Variants in PLEKHG7 observed in about 807,000 individuals in gnomAD.
PLEKHG7 encodes the protein pleckstrin homology domain-containing family G member 7.
Under a neutral mutation model 85.2 loss-of-function variants are expected in PLEKHG7, and 77 were observed. The observed-to-expected ratio is 0.90, with a 90% CI of 0.75 to 1.09. The LOEUF (loss-of-function observed/expected upper bound fraction) is 1.09. PLEKHG7 is among the 50% of genes least tolerant of loss of function. The probability of loss-of-function intolerance (pLI) is 0.00; values close to 1 mark genes in which losing one functional copy is unlikely to be tolerated. For synonymous variants in PLEKHG7, 301 were observed against 302.4 expected, an observed-to-expected ratio of 1.00 and a Z score of 0.05; for missense variants, 777 against 804.3, an observed-to-expected ratio of 0.97 and a Z score of 0.41.
intron 15 of PLEKHG7, among the ~76,000 whole-genome samples, chr12:92,764,716 A>G (rs1377862857): frequency 2.0e-5 from 3 of 152,170 alleles, no homozygotes; most frequent in Non-Finnish European, 4.4e-5. Context: ...AGAAATATAT[A>G]TCATTTTTAA....
chr12:92,729,259 C>A (rs755451555), intron 4 of PLEKHG7, 139 bp downstream of exon 4: 3 of 1,067,638 alleles, frequency 2.8e-6, no homozygotes, highest in Non-Finnish European at 3.6e-6. Context: ...CCAATTACAA[C>A]GGGCACCAGC....
In PLEKHG7 at chr12:92,725,469, C is replaced by T. The variant is rs1009669936; in HGVS notation, c.531-3524C>T. On this transcript the variant is annotated intron_variant, in intron 3 of 16. Coordinates refer to ENST00000344636, the MANE Select transcript of PLEKHG7 (RefSeq NM_001377329.1). ...GGAATCAAGGAGATAAAAAGGAGGG[C>T]GGAGAAACAAGGTAAGAGGCGACCA... is the stretch of plus-strand genomic sequence containing the variant. 5.3e-5 allele frequency among the ~76,000 whole-genome samples: 8 copies of T among 151,960 alleles called. No homozygotes were observed. In the South Asian group the frequency reaches 6.2e-4, roughly 12 times the overall value.
rs538378556 is a variant in PLEKHG7 at position 92,713,548 on chromosome 12, A to G, written c.530+5876A>G. Among the ~76,000 whole-genome samples, 5 of 152,276 alleles carry G rather than the reference A, an allele frequency of 3.3e-5. No individual in the cohort carries two copies. The East Asian group carries it at 9.7e-4, about 29-fold the overall frequency. ...TATTCCCATTGTATTTAAATTTTGT[A>G]GTTGAGTGACTGCAGTTCCCACTGT... On this transcript the variant is annotated intron_variant, in intron 3 of 16. Transcript: ENST00000344636.
At position 92,721,403 on chromosome 12, in the gene PLEKHG7, A is replaced by C. The variant is rs1408987115; in HGVS notation, c.531-7590A>C. On this transcript the variant is annotated intron_variant, in intron 3 of 16. Coordinates refer to ENST00000344636, the MANE Select transcript of PLEKHG7 (RefSeq NM_001377329.1). Reference sequence around the variant, plus strand: ...TTCTCAGCCCACACCATGGACCTTCAGATCTTCAGCAGAGCATAGAATAAG... The same window carrying C: ...TTCTCAGCCCACACCATGGACCTTCCGATCTTCAGCAGAGCATAGAATAAG... 4 of 1,187,182 alleles carry C rather than the reference A, an allele frequency of 3.4e-6. No individual in the cohort carries two copies. The African/African-American group carries it at 4.7e-5, about 14-fold the overall frequency. The allele number at this position is 1,187,182 out of a possible 1,614,324, so 73.5% of individuals were successfully genotyped here.
chr12:92,764,313 C>T, intron 15 of PLEKHG7, 119 bp downstream of exon 15: 1 of 1,037,024 alleles, frequency 9.6e-7, no homozygotes, highest in Non-Finnish European at 1.4e-6. Context: ...AGACTGTGTT[C>T]CTATGTGTCT....
At chr12:92,769,861 A>G (rs189598498) in intron 16 of PLEKHG7, among the ~76,000 whole-genome samples, 8 of 152,320 alleles carry the variant, frequency 5.3e-5, no homozygotes, top group Admixed American at 4.6e-4. Context: ...CTGTTATCCA[A>G]CATGCATACC....
Position 92,770,122 on chromosome 12 carries a change from C to A in PLEKHG7, c.2003C>A (p.Ser668Tyr). The change falls in exon 17 of 17, where the codon TCT becomes TAT. Residue 668 changes from serine (S) to tyrosine (Y), a missense_variant. Physicochemically the swap from Ser to Tyr is moderately radical, Grantham distance 144. This residue lies in a region of PLEKHG7 where 520 missense variants were observed against 544.0 expected (regional missense o/e 0.96). Coordinates refer to ENST00000344636, the MANE Select transcript of PLEKHG7 (RefSeq NM_001377329.1). ...TWMAQITTAISCFTKSQETKK... is the reference protein window; with the variant it reads ...TWMAQITTAIYCFTKSQETKK... ...ATGGCACAAATAACAACTGCAATTT[C>A]TTGCTTTACCAAGAGTCAGGAAACC... 1 of 1,605,812 alleles carries A rather than the reference C, an allele frequency of 6.2e-7. No individual in the cohort carries two copies. The highest frequency in any genetic ancestry group is 1.1e-5 in the South Asian group (1 of 88,248).
At chr12:92,758,970 T>C (rs1592687825) in intron 13 of PLEKHG7, among the ~76,000 whole-genome samples, 1 of 152,246 alleles carries the variant, frequency 6.6e-6, no homozygotes, top group African/African-American at 2.4e-5. Flanking sequence ...GCACCAATTG[T>C]AGGCTTTGGG....
intron 2 of PLEKHG7, 173 bp from the exon 3 acceptor site, chr12:92,707,477 G>A (rs2136568254): frequency 6.9e-7 from 1 of 1,450,502 alleles, no homozygotes; most frequent in East Asian, 2.5e-5. Flanking sequence ...ACAACGTCGT[G>A]TCACTGATTT....
At chr12:92,757,658 G>T (rs1384178038) in intron 13 of PLEKHG7, among the ~76,000 whole-genome samples, 1 of 152,178 alleles carries the variant, frequency 6.6e-6, no homozygotes, top group Non-Finnish European at 1.5e-5. Flanking sequence ...ATAGGTGAGA[G>T]ATTTGGGGCT....
chr12:92,717,834 G>A (rs11106685), intron 3 of PLEKHG7, among the ~76,000 whole-genome samples: 6,063 of 152,232 alleles, frequency 0.04, 410 homozygotes, highest in African/African-American at 0.14. Flanking sequence ...TTCTCAGAAC[G>A]TATCCCCATC....
intron 3 of PLEKHG7, among the ~76,000 whole-genome samples, chr12:92,714,924 A>G (rs1592673282): frequency 6.6e-6 from 1 of 152,160 alleles, no homozygotes; most frequent in East Asian, 1.9e-4. Context: ...AAAACCAATG[A>G]AAGAACTCCA....
rs192995769 is a variant in PLEKHG7 at position 92,753,555 on chromosome 12, G to A, written c.1252-535G>A. On this transcript the variant is annotated intron_variant, in intron 10 of 16. Coordinates refer to ENST00000344636, the MANE Select transcript of PLEKHG7 (RefSeq NM_001377329.1). ...AAACTCTCCCTATTGAAAATTGTCC[G>A]CATCTCTACCTCTCTCCTCTCCTCT... Among the ~76,000 whole-genome samples the A allele has an allele frequency of 1.8e-3, 272 of 152,142 alleles. 1 individual carries two copies. Among genetic ancestry groups the A allele is most frequent in the African/African-American group, 6.1e-3 (254 of 41,488 alleles).
At chr12:92,720,776 G>T (rs777657606) in intron 3 of PLEKHG7, among the ~76,000 whole-genome samples, 1 of 152,152 alleles carries the variant, frequency 6.6e-6, no homozygotes, top group Non-Finnish European at 1.5e-5. Context: ...CAGGGGTTAG[G>T]ATGTGGACAT....
intron 15 of PLEKHG7, among the ~76,000 whole-genome samples, chr12:92,768,331 C>T (rs1873279314): frequency 6.6e-6 from 1 of 152,156 alleles, no homozygotes; most frequent in Non-Finnish European, 1.5e-5. Context: ...GTCTGCTCTC[C>T]CACTATCTTT....
chr12:92,745,404 G>C (rs1336975411), intron 9 of PLEKHG7, 74 bp from the exon 10 acceptor site: 1 of 1,005,534 alleles, frequency 9.9e-7, no homozygotes, highest in South Asian at 1.3e-5. Flanking sequence ...TAAAAGTGAG[G>C]AGAAACACTC....
At chr12:92,716,752 A>G (rs550950413) in intron 3 of PLEKHG7, among the ~76,000 whole-genome samples, 43 of 152,282 alleles carry the variant, frequency 2.8e-4, no homozygotes, top group African/African-American at 9.9e-4. Context: ...TTTCTAAAAC[A>G]CTATATTGTG....
chr12:92,728,581 C>A (rs1264425488), intron 3 of PLEKHG7, among the ~76,000 whole-genome samples: 1 of 142,974 alleles, frequency 7.0e-6, no homozygotes, highest in Non-Finnish European at 1.5e-5. Context: ...TGTATGTGTA[C>A]ACATACCACA....
chr12:92,770,223 T>C lies in PLEKHG7; in HGVS notation c.*28T>C, dbSNP rs770558669. ...ACCTAAAACAAGTGGCATGTCTTTT[T>C]AGAAGATTATGGTTTAAGGTATAAT... On this transcript the variant is annotated 3_prime_UTR_variant, in exon 17 of 17. Transcript: ENST00000344636. The C allele has an allele frequency of 3.4e-6, 5 of 1,453,998 alleles. No homozygotes were observed. The South Asian group carries it at 6.0e-5, about 18-fold the overall frequency. The allele number at this position is 1,453,998 out of a possible 1,614,324, so 90.1% of individuals were successfully genotyped here. A position where few individuals can be genotyped will look rare whatever the true frequency, so the allele number is the denominator to read the frequency against.
Sources: gnomAD v4.1 joint callset for allele counts (sites outside exome capture counted in the v4.1 genomes callset) on GRCh38, gnomAD v4.1.1 for gene constraint, gnomAD v4.1.1 regional missense constraint, MANE v1.5 for transcripts, NCBI Gene and HGNC (gene_info 2026-07-23, HGNC 2026-07-21) for gene names.